LMX1A: variants seen among roughly 807,000 people sequenced by gnomAD.
The protein encoded by LMX1A is LIM homeobox transcription factor 1 alpha, also known as LIM homeobox transcription factor 1-alpha.
Under a neutral mutation model 49.1 loss-of-function variants are expected in LMX1A, and 15 were observed. That is an observed-to-expected ratio of 0.31 (90% CI 0.20 to 0.47). LMX1A has a LOEUF of 0.47. Among genes scored for constraint, LMX1A ranks in the 20% least tolerant of loss-of-function variants. The pLI is 1.00. For missense variants in LMX1A, 372 were observed against 475.8 expected (o/e 0.78, Z 2.03); for synonymous variants, 167 against 185.7 (o/e 0.90, Z 0.82).
chr1:165,267,484 C>T (rs1446322724), intron 3 of LMX1A, among the ~76,000 whole-genome samples: 1 of 152,134 alleles, frequency 6.6e-6, no homozygotes, highest in African/African-American at 2.4e-5. Flanking sequence ...CTGCTATGAA[C>T]ATGTGTGCAT....
chr1:165,236,171 G>A (rs1160824609), intron 4 of LMX1A, among the ~76,000 whole-genome samples: 2 of 152,202 alleles, frequency 1.3e-5, no homozygotes, highest in Non-Finnish European at 2.9e-5. Context: ...CAGACGGCAG[G>A]AGGGAGTTGC....
intron 3 of LMX1A, among the ~76,000 whole-genome samples, chr1:165,256,578 A>G (rs937472409): frequency 1.3e-5 from 2 of 152,228 alleles, no homozygotes; most frequent in African/African-American, 4.8e-5. Flanking sequence ...TCAAATATAT[A>G]TAAATATAAA....
At chr1:165,243,006 T>C (rs750367487) in intron 4 of LMX1A, among the ~76,000 whole-genome samples, 65 of 150,040 alleles carry the variant, frequency 4.3e-4, no homozygotes, top group Non-Finnish European at 6.7e-4. Flanking sequence ...AATTCTGGAA[T>C]GGATAAAAGT....
intron 4 of LMX1A, among the ~76,000 whole-genome samples, chr1:165,244,174 C>T (rs568054349): frequency 6.3e-4 from 96 of 152,326 alleles, no homozygotes; most frequent in Non-Finnish European, 1.4e-3. Flanking sequence ...AGGGGTGCAT[C>T]CAGAGAGAGC....
chr1:165,217,587 C>T (rs903619831), intron 4 of LMX1A, among the ~76,000 whole-genome samples: 2 of 152,218 alleles, frequency 1.3e-5, no homozygotes, highest in African/African-American at 4.8e-5. Context: ...TACTCAAGTG[C>T]ATACTCAAAC....
intron 3 of LMX1A, among the ~76,000 whole-genome samples, chr1:165,318,880 C>T (rs978923363): frequency 1.3e-5 from 2 of 152,078 alleles, no homozygotes; most frequent in Non-Finnish European, 2.9e-5. Context: ...ACTGCCTATC[C>T]TCAGAATCTT....
rs1366192830 is a variant in LMX1A, at chr1:165,236,458, A to C, written c.496+12950T>G. Among the ~76,000 whole-genome samples, 3 of 152,014 alleles carry C rather than the reference A, an allele frequency of 2.0e-5. No individual in the cohort carries two copies. In the East Asian group the frequency reaches 5.8e-4, roughly 29 times the overall value. ...TATCTAGAGATGCCGGGTCAAATACAGGGCACATCATTAAATTTGCATTTC... is the reference window on the plus strand; with the variant it reads ...TATCTAGAGATGCCGGGTCAAATACCGGGCACATCATTAAATTTGCATTTC... On this transcript the variant is annotated intron_variant, in intron 4 of 8. Coordinates refer to ENST00000342310, the MANE Select transcript of LMX1A (RefSeq NM_177398.4).
rs936103575 is a variant in LMX1A at position 165,236,784 on chromosome 1, A to T, written c.496+12624T>A. ...AACTCACTTAGGAAGCTTTAAAAAA[A>T]AAAAAAAAATCCCAGGCTGCACCCC... On this transcript the variant is annotated intron_variant, in intron 4 of 8. Transcript: ENST00000342310. 2.6e-5 allele frequency among the ~76,000 whole-genome samples: 4 copies of T among 152,054 alleles called. No individual in the cohort carries two copies. The East Asian group carries it at 5.8e-4, about 22-fold the overall frequency.
intron 3 of LMX1A, among the ~76,000 whole-genome samples, chr1:165,348,539 C>A (rs973987947): frequency 6.6e-6 from 1 of 152,130 alleles, no homozygotes; most frequent in African/African-American, 2.4e-5. Flanking sequence ...TATTGCCTAG[C>A]TGTGTTTGAT....
At chr1:165,221,227 T>A (rs566554923) in intron 4 of LMX1A, among the ~76,000 whole-genome samples, 1 of 152,234 alleles carries the variant, frequency 6.6e-6, no homozygotes, top group African/African-American at 2.4e-5. Flanking sequence ...GCTGTCTAAC[T>A]GCAGGCAGCA....
At chr1:165,276,415 G>T (rs951409186) in intron 3 of LMX1A, among the ~76,000 whole-genome samples, 2 of 152,302 alleles carry the variant, frequency 1.3e-5, no homozygotes, top group Admixed American at 1.3e-4. Context: ...CTTTGGTAAA[G>T]CTCAGGCAGA....
intron 3 of LMX1A, among the ~76,000 whole-genome samples, chr1:165,270,612 A>G (rs1432340240): frequency 1.3e-5 from 2 of 152,192 alleles, no homozygotes; most frequent in Non-Finnish European, 2.9e-5. Flanking sequence ...GGGGAGTATC[A>G]GGATGTTTTA....
At chr1:165,325,467 G>A (rs1458657070) in intron 3 of LMX1A, among the ~76,000 whole-genome samples, 1,882 of 144,016 alleles carry the variant, frequency 0.013, 44 homozygotes, top group African/African-American at 0.044. Flanking sequence ...ACATATGTGT[G>A]TGTGTGTGTG....
chr1:165,312,428 T>C (rs1160850092), intron 3 of LMX1A, among the ~76,000 whole-genome samples: 1 of 152,224 alleles, frequency 6.6e-6, no homozygotes, highest in Non-Finnish European at 1.5e-5. Flanking sequence ...ATTATTTGAC[T>C]GTCTTCCCAC....
Position 165,300,088 on chromosome 1 carries a change from A to AG in LMX1A, c.264-50449_264-50448insC, listed in dbSNP as rs1654732782. On this transcript the variant is annotated intron_variant, in intron 3 of 8. Coordinates refer to ENST00000342310, the MANE Select transcript of LMX1A (RefSeq NM_177398.4). ...AAGAGTCAGTCTCATGGTGCTTCTG[A>AG]TCTCACTGGACACCTTGCTGAGCAT... Among the ~76,000 whole-genome samples the AG allele has an allele frequency of 3.5e-5, 5 of 141,220 alleles. No homozygotes were observed. In the Admixed American group the frequency reaches 3.7e-4, roughly 11 times the overall value. 92.6% of individuals were successfully genotyped at this position (141,220 alleles called of 152,430 possible).
chr1:165,237,201 G>C (rs938203183), intron 4 of LMX1A, among the ~76,000 whole-genome samples: 1 of 152,180 alleles, frequency 6.6e-6, no homozygotes, highest in African/African-American at 2.4e-5. Flanking sequence ...TGATTCCTAA[G>C]AAGGAATGCT....
chr1:165,281,514 C>G (rs566630109), intron 3 of LMX1A, among the ~76,000 whole-genome samples: 2 of 152,126 alleles, frequency 1.3e-5, no homozygotes, highest in Admixed American at 6.5e-5. Flanking sequence ...CAGCTCAAAC[C>G]CAGGAGACTG....
chr1:165,267,233 A>T (rs1439552248), intron 3 of LMX1A, among the ~76,000 whole-genome samples: 1 of 152,194 alleles, frequency 6.6e-6, no homozygotes, highest in Non-Finnish European at 1.5e-5. Flanking sequence ...TGGATATTTT[A>T]TATACATATA....
chr1:165,210,642 G>A, intron 6 of LMX1A, 57 bp downstream of exon 6: 2 of 1,331,274 alleles, frequency 1.5e-6, no homozygotes, highest in African/African-American at 1.4e-5. Flanking sequence ...ATGTCCTACT[G>A]TGATTATTTC....
Sources: gnomAD v4.1 joint callset for allele counts (sites outside exome capture counted in the v4.1 genomes callset) on GRCh38, gnomAD v4.1.1 for gene constraint, MANE v1.5 for transcripts, NCBI Gene and HGNC (gene_info 2026-07-23, HGNC 2026-07-21) for gene names.